Variants in PCBP3 observed in about 807,000 individuals in gnomAD.
The protein encoded by PCBP3 is poly(rC)-binding protein 3.
PCBP3 carries 25 observed loss-of-function variants against 52.7 expected under a neutral mutation model. That is an observed-to-expected ratio of 0.47 (90% confidence interval 0.35 to 0.66). The LOEUF is 0.66. Ranked by LOEUF, PCBP3 falls within the 30% of genes least tolerant of loss-of-function variation. PCBP3 has a pLI of 0.01. For synonymous variants in PCBP3, 162 were observed against 183.0 expected, an observed-to-expected ratio of 0.89 and a Z score of 0.93; for missense variants, 391 against 490.3, an observed-to-expected ratio of 0.80 and a Z score of 1.91.
At chr21:45,715,055 G>T (rs1488120276) in intron 2 of PCBP3, among the ~76,000 whole-genome samples, 4 of 152,138 alleles carry the variant, frequency 2.6e-5, no homozygotes, top group Non-Finnish European at 5.9e-5. Flanking sequence ...AAATCTATGG[G>T]TATCAAAATG....
At chr21:45,893,186 CTG>C (rs932712691) in intron 5 of PCBP3, among the ~76,000 whole-genome samples, 1 of 151,408 alleles carries the variant, frequency 6.6e-6, no homozygotes, top group Admixed American at 6.6e-5. Context: ...AGACTAAACT[CTG>C]AGAGAATGGG....
intron 4 of PCBP3, among the ~76,000 whole-genome samples, chr21:45,790,413 C>T (rs1371007560): frequency 6.6e-6 from 1 of 152,084 alleles, no homozygotes; most frequent in Non-Finnish European, 1.5e-5. Flanking sequence ...GGTGGGACGC[C>T]GTGCCATTCA....
At chr21:45,825,558 TG>T (rs1174695550) in intron 4 of PCBP3, among the ~76,000 whole-genome samples, 5 of 152,200 alleles carry the variant, frequency 3.3e-5, no homozygotes, top group Non-Finnish European at 7.3e-5. Context: ...CCCTCCCAGT[TG>T]GCAGATCAGT....
At chr21:45,783,800 C>G (rs531257242) in intron 4 of PCBP3, among the ~76,000 whole-genome samples, 1 of 152,310 alleles carries the variant, frequency 6.6e-6, no homozygotes, top group South Asian at 2.1e-4. Flanking sequence ...GGATAACCTA[C>G]TCACGCCAGC....
intron 9 of PCBP3, among the ~76,000 whole-genome samples, chr21:45,906,075 C>T (rs897541727): frequency 1.3e-5 from 2 of 152,284 alleles, no homozygotes; most frequent in African/African-American, 4.8e-5. Flanking sequence ...CTGGAAAAAG[C>T]AGGAGGAGAC....
intron 4 of PCBP3, chr21:45,828,212 G>A (rs1354797036): frequency 6.6e-6 from 1 of 152,248 alleles, no homozygotes; most frequent in Admixed American, 6.5e-5. Context: ...TGCATGAGCA[G>A]TAATTCAGTC....
At chr21:45,907,657 T>C (rs942252494) in intron 9 of PCBP3, among the ~76,000 whole-genome samples, 11 of 152,148 alleles carry the variant, frequency 7.2e-5, no homozygotes, top group African/African-American at 2.7e-4. Flanking sequence ...CTGTTGGTCA[T>C]TGCAGGTCTT....
intron 1 of PCBP3, among the ~76,000 whole-genome samples, chr21:45,667,208 A>G (rs1320545601): frequency 2.0e-5 from 3 of 149,244 alleles, no homozygotes; most frequent in Non-Finnish European, 4.4e-5. Flanking sequence ...AGTTCTCACT[A>G]TGTTGCCCAG....
chr21:45,856,145 C>A (rs2094286690), intron 5 of PCBP3, among the ~76,000 whole-genome samples: 1 of 152,206 alleles, frequency 6.6e-6, no homozygotes, highest in African/African-American at 2.4e-5. Flanking sequence ...GATCTTTCCC[C>A]TTCCAGACCC....
rs182910123 is a variant in PCBP3, at chr21:45,867,465, C to T, written c.10+17370C>T. 3.9e-5 allele frequency among the ~76,000 whole-genome samples: 6 copies of T among 152,364 alleles called. No individual in the cohort carries two copies. The East Asian group carries it at 1.2e-3, about 29-fold the overall frequency. On this transcript the variant is annotated intron_variant, in intron 5 of 17. Coordinates refer to ENST00000681687, the MANE Select transcript of PCBP3 (RefSeq NM_001384156.1). ...TGCCGCTACGGGGTCCCTGGCGCAC[C>T]TGCTACCCCTGCTACCCGCATTCAC...
Position 45,827,758 on chromosome 21 carries a change from A to G in PCBP3, c.-125-22203A>G, listed in dbSNP as rs1043579004. Among the ~76,000 whole-genome samples, 1 of 152,234 alleles carries G rather than the reference A, an allele frequency of 6.6e-6. No homozygotes were observed. Among genetic ancestry groups the G allele is most frequent in the African/African-American group, 2.4e-5 (1 of 41,464 alleles). On this transcript the variant is annotated intron_variant, in intron 4 of 17. Coordinates refer to ENST00000681687, the MANE Select transcript of PCBP3 (RefSeq NM_001384156.1). This position sits in a 1 kb window ranked among gnomAD's most constrained non-coding sequence, Gnocchi z 4.3. ...AGGACTCACTCTTCATGAGACCTCAATTAAAAGACCCAGAAAGTTTAAAAT... is the reference window on the plus strand; with the variant it reads ...AGGACTCACTCTTCATGAGACCTCAGTTAAAAGACCCAGAAAGTTTAAAAT...
intron 3 of PCBP3, among the ~76,000 whole-genome samples, chr21:45,738,816 G>A (rs1247893272): frequency 3.8e-5 from 5 of 131,098 alleles, no homozygotes; most frequent in African/African-American, 8.9e-5. Context: ...TCCTCTGGGT[G>A]GCTCCCCCAT....
chr21:45,854,642 A>G (rs1433541739), intron 5 of PCBP3, among the ~76,000 whole-genome samples: 51 of 152,260 alleles, frequency 3.3e-4, no homozygotes, highest in Non-Finnish European at 2.1e-4. Flanking sequence ...GACTGCAGCC[A>G]TCAGTGGACA....
rs116546113 is a variant in PCBP3 at position 45,717,555 on chromosome 21, T to A, written c.-199-17837T>A. ...GTTTTTATCATTAGATATATTGAAATTTGTCAAATGCTTTTTCTGTGTCTA... is the reference window on the plus strand; with the variant it reads ...GTTTTTATCATTAGATATATTGAAAATTGTCAAATGCTTTTTCTGTGTCTA... On this transcript the variant is annotated intron_variant, in intron 2 of 17. Coordinates refer to ENST00000681687, the MANE Select transcript of PCBP3 (RefSeq NM_001384156.1). Among the ~76,000 whole-genome samples the A allele has an allele frequency of 5.8e-3, 876 of 152,308 alleles. 9 individuals carry two copies. The highest frequency in any genetic ancestry group is 0.02 in the African/African-American group (844 of 41,574).
intron 4 of PCBP3, among the ~76,000 whole-genome samples, chr21:45,838,354 C>T (rs1186324575): frequency 6.6e-6 from 1 of 152,128 alleles, no homozygotes; most frequent in African/African-American, 2.4e-5. Context: ...TTTTCTTCCA[C>T]AGACCACCTG....
intron 2 of PCBP3, among the ~76,000 whole-genome samples, chr21:45,699,914 GC>G (rs2083005730): frequency 6.6e-6 from 1 of 152,072 alleles, no homozygotes; most frequent in African/African-American, 2.4e-5. Flanking sequence ...ATATCATTCC[GC>G]CCCAGCCCCT....
chr21:45,934,629 G>C (rs1344280787), intron 15 of PCBP3, among the ~76,000 whole-genome samples: 28 of 152,216 alleles, frequency 1.8e-4, no homozygotes, highest in Admixed American at 1.8e-3. Context: ...TGCCTGGTGG[G>C]CCTGAGCTGT....
At position 45,646,107 on chromosome 21, in the gene PCBP3, C is replaced by CTGTGTGTG. The variant is rs765931494; in HGVS notation, c.-279+2271_-279+2278dup. ...TTTCTCTCTCTCTCTCTCTCTCTCT[C>CTGTGTGTG]TGTGTGTGTGTGTGTGTGTGTGTGT... On this transcript the variant is annotated intron_variant, in intron 1 of 17. Coordinates refer to ENST00000681687, the MANE Select transcript of PCBP3 (RefSeq NM_001384156.1). Among the ~76,000 whole-genome samples the CTGTGTGTG allele has an allele frequency of 8.9e-3, 749 of 83,796 alleles. 9 individuals are homozygous for CTGTGTGTG. Among genetic ancestry groups the CTGTGTGTG allele is most frequent in the African/African-American group, 0.013 (277 of 21,004 alleles). 55.0% of individuals were successfully genotyped at this position (83,796 alleles called of 152,430 possible). A position where few individuals can be genotyped will look rare whatever the true frequency, so the allele number is the denominator to read the frequency against.
chr21:45,693,164 C>A (rs2082580419), intron 2 of PCBP3, among the ~76,000 whole-genome samples: 1 of 152,036 alleles, frequency 6.6e-6, no homozygotes, highest in Non-Finnish European at 1.5e-5. Flanking sequence ...TATAAAAAAC[C>A]TACAGCTAAC....
Sources: allele counts gnomAD v4.1 joint callset (sites outside exome capture counted in the v4.1 genomes callset), GRCh38; gene constraint gnomAD v4.1.1; non-coding constraint Gnocchi (gnomAD v3.1); transcripts MANE v1.5; gene names NCBI Gene and HGNC (gene_info 2026-07-23, HGNC 2026-07-21).